The following MMP26 variants were observed in gnomAD, a reference collection of about 807,000 sequenced individuals.
MMP26 encodes matrix metalloproteinase-26.
MMP26 carries 33 observed loss-of-function variants against 31.0 expected under a neutral mutation model. That is an observed-to-expected ratio of 1.06 (90% confidence interval 0.81 to 1.42). The LOEUF is 1.42. MMP26 is among the 40% of genes most tolerant of loss of function. MMP26 has a pLI of 0.00. For synonymous variants in MMP26, 122 were observed against 114.9 expected (o/e 1.06, Z -0.40); for missense variants, 347 against 316.1 (o/e 1.10, Z -0.74).
At chr11:4,969,288 T>A (rs1277862534) in intron 2 of MMP26, among the ~76,000 whole-genome samples, 1 of 151,968 alleles carries the variant, frequency 6.6e-6, no homozygotes, top group Non-Finnish European at 1.5e-5. Flanking sequence ...CATATAACAA[T>A]AAGATGCCAA....
chr11:4,842,025 A>T (rs956459242), intron 2 of MMP26, among the ~76,000 whole-genome samples: 3 of 152,238 alleles, frequency 2.0e-5, no homozygotes, highest in African/African-American at 7.2e-5. Flanking sequence ...GGCAATAGTA[A>T]GTACCTAGGA....
At chr11:4,983,203 C>A (rs187810848) in intron 2 of MMP26, among the ~76,000 whole-genome samples, 1 of 152,278 alleles carries the variant, frequency 6.6e-6, no homozygotes, top group Admixed American at 6.5e-5. Flanking sequence ...CTGTGTGGTT[C>A]TGTGCTGTAC....
chr11:4,988,915 T>C (rs1846947979), intron 3 of MMP26, among the ~76,000 whole-genome samples: 4 of 151,960 alleles, frequency 2.6e-5, no homozygotes, highest in Admixed American at 2.0e-4. Flanking sequence ...CAGCTGATAA[T>C]AAAACAAAGG....
intron 2 of MMP26, chr11:4,914,761 G>T: frequency 6.2e-7 from 1 of 1,613,780 alleles, no homozygotes; most frequent in Non-Finnish European, 8.5e-7. Context: ...GGATCTGTTT[G>T]GTCTTCACAC....
At chr11:4,706,257 A>G (rs1325995651) in intron 1 of MMP26, among the ~76,000 whole-genome samples, 4 of 152,040 alleles carry the variant, frequency 2.6e-5, no homozygotes, top group African/African-American at 9.7e-5. Flanking sequence ...TTTGCTGTTT[A>G]CAATATAGCT....
intron 2 of MMP26, among the ~76,000 whole-genome samples, chr11:4,843,136 G>A (rs1349451444): frequency 6.6e-6 from 1 of 152,236 alleles, no homozygotes; most frequent in African/African-American, 2.4e-5. Flanking sequence ...TCACAGGCTG[G>A]CTTTGAGTGC....
chr11:4,757,456 C>T (rs568159373), intron 1 of MMP26, among the ~76,000 whole-genome samples: 1 of 151,704 alleles, frequency 6.6e-6, no homozygotes, highest in Admixed American at 6.6e-5. Flanking sequence ...AAGTGTGAGC[C>T]ATTAAATAAA....
chr11:4,791,687 T>C (rs534046795), intron 2 of MMP26, among the ~76,000 whole-genome samples: 1 of 152,326 alleles, frequency 6.6e-6, no homozygotes, highest in South Asian at 2.1e-4. Flanking sequence ...CATTTCTCTA[T>C]GGCTATAATT....
At chr11:4,988,380 T>A in intron 3 of MMP26, 70 bp downstream of exon 3, 1 of 1,080,746 alleles carries the variant, frequency 9.3e-7, no homozygotes, top group Non-Finnish European at 1.4e-6. Context: ...TGTGTGTGTG[T>A]ATGTGTGACT....
At chr11:4,919,369 G>A (rs950894058) in intron 2 of MMP26, 8 of 152,352 alleles carry the variant, frequency 5.3e-5, no homozygotes, top group African/African-American at 1.7e-4. Context: ...AGTGACTGGA[G>A]GACGGATGTT....
chr11:4,940,366 G>A (rs896440816), intron 2 of MMP26, among the ~76,000 whole-genome samples: 3 of 151,948 alleles, frequency 2.0e-5, no homozygotes, highest in Admixed American at 6.6e-5. Flanking sequence ...TCTACAATAC[G>A]CTTAATCTCC....
chr11:4,907,773 T>C (rs1206541465), intron 2 of MMP26: 14 of 1,614,098 alleles, frequency 8.7e-6, no homozygotes, highest in Non-Finnish European at 1.2e-5. Flanking sequence ...TACAGTTCTA[T>C]CCTCACTAGC....
chr11:4,786,481 G>T (rs1589900155), intron 2 of MMP26, among the ~76,000 whole-genome samples: 1 of 129,426 alleles, frequency 7.7e-6, no homozygotes, highest in Admixed American at 8.1e-5. Flanking sequence ...AAGGTAGTAA[G>T]ATCTGCTGAT....
chr11:4,758,306 A>G (rs1022362844), intron 1 of MMP26, among the ~76,000 whole-genome samples: 12 of 152,288 alleles, frequency 7.9e-5, no homozygotes, highest in South Asian at 6.2e-4. Flanking sequence ...ATATTTCAAA[A>G]AAAGAAAGTA....
intron 2 of MMP26, among the ~76,000 whole-genome samples, chr11:4,903,500 C>G (rs1850833566): frequency 6.6e-6 from 1 of 152,068 alleles, no homozygotes; most frequent in Non-Finnish European, 1.5e-5. Flanking sequence ...GTTATTTTAA[C>G]TATATTTTCC....
At chr11:4,842,829 A>T (rs991947890) in intron 2 of MMP26, among the ~76,000 whole-genome samples, 4 of 152,184 alleles carry the variant, frequency 2.6e-5, no homozygotes, top group African/African-American at 9.7e-5. Flanking sequence ...CAAGTTTCTC[A>T]CACTGGTGAA....
intron 2 of MMP26, chr11:4,914,383 A>C (rs544515195): frequency 5.2e-4 from 110 of 211,722 alleles, no homozygotes; most frequent in Non-Finnish European, 9.5e-4. Context: ...CACAATACTC[A>C]ATTCATGAGG....
At chr11:4,804,474 G>T (rs1041234696) in intron 2 of MMP26, 2 of 956,330 alleles carry the variant, frequency 2.1e-6, no homozygotes, top group Non-Finnish European at 3.5e-6. Flanking sequence ...CAAGGCTTTT[G>T]GATGGGACTA....
At chr11:4,705,539 A>G (rs148526289) in intron 1 of MMP26, among the ~76,000 whole-genome samples, 2 of 152,332 alleles carry the variant, frequency 1.3e-5, no homozygotes, top group African/African-American at 4.8e-5. Flanking sequence ...GTCTGGTAAT[A>G]GGGATGTTTA....
Sources: allele counts gnomAD v4.1 joint callset (sites outside exome capture counted in the v4.1 genomes callset), GRCh38; gene constraint gnomAD v4.1.1; transcripts MANE v1.5; gene names NCBI Gene and HGNC (gene_info 2026-07-23, HGNC 2026-07-21).